The following FBXL17 variants were observed in gnomAD, a reference collection of about 807,000 sequenced individuals.
The protein encoded by FBXL17 is F-box and leucine rich repeat protein 17.
Under a neutral mutation model 66.2 loss-of-function variants are expected in FBXL17, and 22 were observed. The ratio of observed to expected loss-of-function variants is 0.33; its 90% CI spans 0.24 to 0.47. The LOEUF is 0.47. Among genes scored for constraint, FBXL17 ranks in the 20% least tolerant of loss-of-function variants. The pLI is 1.00. For missense variants in FBXL17, 878 were observed against 948.2 expected (o/e 0.93, Z 0.97); for synonymous variants, 474 against 400.5 (o/e 1.18, Z -2.19).
At chr5:108,003,756 G>C (rs1753824348) in intron 7 of FBXL17, among the ~76,000 whole-genome samples, 1 of 152,088 alleles carries the variant, frequency 6.6e-6, no homozygotes, top group African/African-American at 2.4e-5. Flanking sequence ...GGAAAAATCA[G>C]CAAATCGTAA....
chr5:108,309,027 C>A (rs1758987949), intron 4 of FBXL17, among the ~76,000 whole-genome samples: 1 of 151,902 alleles, frequency 6.6e-6, no homozygotes, highest in Non-Finnish European at 1.5e-5. Flanking sequence ...AAAACAAATA[C>A]CTGGCAAGGC....
chr5:108,125,947 G>T (rs1187709978), intron 6 of FBXL17, among the ~76,000 whole-genome samples: 1 of 151,848 alleles, frequency 6.6e-6, no homozygotes, highest in African/African-American at 2.4e-5. Context: ...TATTCTTTAC[G>T]GTCCAAAGGG....
intron 7 of FBXL17, among the ~76,000 whole-genome samples, chr5:107,890,255 T>C (rs1444306969): frequency 6.6e-6 from 1 of 152,098 alleles, no homozygotes; most frequent in African/African-American, 2.4e-5. Flanking sequence ...GATGGGAAAG[T>C]ACATTAGTGT....
chr5:108,090,308 T>C (rs1749140947), intron 6 of FBXL17, among the ~76,000 whole-genome samples: 1 of 152,206 alleles, frequency 6.6e-6, no homozygotes, highest in African/African-American at 2.4e-5. Context: ...TCACCCTCAG[T>C]CTTCCACATT....
chr5:108,213,045 A>G (rs1368183609), intron 5 of FBXL17, among the ~76,000 whole-genome samples: 2 of 152,016 alleles, frequency 1.3e-5, no homozygotes, highest in African/African-American at 2.4e-5. Flanking sequence ...GGCCATGCTG[A>G]GCTGCACTGG....
At chr5:108,127,796 T>G (rs556306678) in intron 6 of FBXL17, among the ~76,000 whole-genome samples, 1 of 152,328 alleles carries the variant, frequency 6.6e-6, no homozygotes, top group Admixed American at 6.5e-5. Context: ...AAAACAAGCA[T>G]GAATTAAGAA....
intron 3 of FBXL17, among the ~76,000 whole-genome samples, chr5:108,360,270 C>G (rs535028224): frequency 1.3e-5 from 2 of 152,194 alleles, no homozygotes; most frequent in African/African-American, 2.4e-5. Context: ...TAGGGCAGAT[C>G]TATTAGTAAC....
rs1349603685 is a variant in FBXL17 at position 107,898,863 on chromosome 5, CT to C, written c.1823-17685del. On this transcript the variant is annotated intron_variant, in intron 7 of 8. Transcript: ENST00000542267. The stretch of plus-strand genomic sequence containing the variant: ...ATGTGCCACATTTTCTTTATCCAGT[CT>C]ATCATTGATGGGCATTTGGGTTCCA... Among the ~76,000 whole-genome samples, 5 of 152,212 alleles carry C rather than the reference CT, an allele frequency of 3.3e-5. No individual in the cohort carries two copies. The East Asian group carries it at 9.6e-4, about 29-fold the overall frequency.
At chr5:107,982,690 G>A (rs1209325695) in intron 7 of FBXL17, among the ~76,000 whole-genome samples, 1 of 152,154 alleles carries the variant, frequency 6.6e-6, no homozygotes, top group African/African-American at 2.4e-5. Context: ...GTTAAGAAAT[G>A]GAGTGCAATC....
At chr5:108,194,252 C>G (rs753949839) in intron 5 of FBXL17, among the ~76,000 whole-genome samples, 1 of 152,104 alleles carries the variant, frequency 6.6e-6, no homozygotes, top group East Asian at 1.9e-4. Context: ...TAAAACTGCT[C>G]TCACTTCACT....
chr5:107,925,810 A>T (rs1390910992), intron 7 of FBXL17, among the ~76,000 whole-genome samples: 2 of 152,320 alleles, frequency 1.3e-5, no homozygotes, highest in East Asian at 3.9e-4. Context: ...AACTACATAC[A>T]TTCAAATCCT....
chr5:108,066,413 T>C (rs936527585), intron 6 of FBXL17, among the ~76,000 whole-genome samples: 2 of 152,082 alleles, frequency 1.3e-5, no homozygotes, highest in African/African-American at 4.8e-5. Flanking sequence ...TACATGTATA[T>C]AACCTTATTG....
chr5:107,993,595 C>T (rs934469472), intron 7 of FBXL17, among the ~76,000 whole-genome samples: 1 of 152,124 alleles, frequency 6.6e-6, no homozygotes, highest in Non-Finnish European at 1.5e-5. Flanking sequence ...AAGCCAAGAC[C>T]TGCACAAATA....
intron 6 of FBXL17, among the ~76,000 whole-genome samples, chr5:108,065,793 C>T (rs1049997885): frequency 2.0e-5 from 3 of 151,994 alleles, no homozygotes; most frequent in Admixed American, 2.0e-4. Context: ...AATTTCTCTC[C>T]GCCTAACTCT....
chr5:108,279,524 C>T (rs992739444), intron 4 of FBXL17, among the ~76,000 whole-genome samples: 7 of 151,448 alleles, frequency 4.6e-5, no homozygotes, highest in Non-Finnish European at 8.8e-5. Flanking sequence ...AAGGGCCCTA[C>T]TCAACCAACA....
chr5:108,256,552 C>G (rs1166968194), intron 4 of FBXL17, among the ~76,000 whole-genome samples: 2 of 151,606 alleles, frequency 1.3e-5, no homozygotes, highest in Non-Finnish European at 1.5e-5. Flanking sequence ...CTCCAAATAC[C>G]ATATCTCCAA....
chr5:108,204,455 G>C (rs1475874601), intron 5 of FBXL17, among the ~76,000 whole-genome samples: 1 of 151,958 alleles, frequency 6.6e-6, no homozygotes, highest in Non-Finnish European at 1.5e-5. Context: ...CAAAGTACTA[G>C]GATTACAGGC....
intron 4 of FBXL17, among the ~76,000 whole-genome samples, chr5:108,255,140 T>C (rs1444160549): frequency 6.6e-6 from 1 of 152,100 alleles, no homozygotes; most frequent in Non-Finnish European, 1.5e-5. Context: ...ACATAATTTG[T>C]CGTTTATTTT....
intron 1 of FBXL17, among the ~76,000 whole-genome samples, chr5:108,378,426 A>T (rs1749603204): frequency 6.6e-6 from 1 of 152,100 alleles, no homozygotes; most frequent in Non-Finnish European, 1.5e-5. Flanking sequence ...ATAGCTATTG[A>T]CTCCCTACCA....
Sources: allele counts gnomAD v4.1 joint callset (sites outside exome capture counted in the v4.1 genomes callset), GRCh38; gene constraint gnomAD v4.1.1; transcripts MANE v1.5; gene names NCBI Gene and HGNC (gene_info 2026-07-23, HGNC 2026-07-21).